TBC1D5: variants seen among roughly 807,000 people sequenced by gnomAD.
The protein encoded by TBC1D5 is TBC1 domain family, member 5.
Under a neutral mutation model 100.3 loss-of-function variants are expected in TBC1D5, and 75 were observed. The observed-to-expected ratio is 0.75, with a 90% CI of 0.62 to 0.91. The LOEUF (loss-of-function observed/expected upper bound fraction) is 0.91, where lower values mean the gene tolerates loss of function less well. TBC1D5 is among the 40% of genes least tolerant of loss of function. The pLI is 0.00. For synonymous variants in TBC1D5, 323 were observed against 325.6 expected (o/e 0.99, Z 0.09); for missense variants, 910 against 942.4 (o/e 0.97, Z 0.45).
At chr3:17,229,416 A>G (rs1466556951) in intron 17 of TBC1D5, among the ~76,000 whole-genome samples, 1 of 152,176 alleles carries the variant, frequency 6.6e-6, no homozygotes, top group Non-Finnish European at 1.5e-5. Flanking sequence ...GCTTGACCAC[A>G]AAAGTCAAAC....
At chr3:17,504,987 A>C (rs2095829354) in intron 3 of TBC1D5, among the ~76,000 whole-genome samples, 2 of 152,218 alleles carry the variant, frequency 1.3e-5, no homozygotes, top group Admixed American at 1.3e-4. Context: ...GAAAGAAAGG[A>C]ATACTTGGGA....
intron 3 of TBC1D5, among the ~76,000 whole-genome samples, chr3:17,429,366 A>T (rs2094405932): frequency 6.6e-6 from 1 of 151,934 alleles, no homozygotes; most frequent in African/African-American, 2.4e-5. Flanking sequence ...AGCTTTTATG[A>T]AACCATAGTA....
At chr3:17,261,620 T>C (rs2078295740) in intron 15 of TBC1D5, among the ~76,000 whole-genome samples, 1 of 152,054 alleles carries the variant, frequency 6.6e-6, no homozygotes, top group South Asian at 2.1e-4. Context: ...CATCCCAGGC[T>C]CAAGTGATCC....
intron 2 of TBC1D5, among the ~76,000 whole-genome samples, chr3:17,536,191 T>G (rs963526265): frequency 1.3e-5 from 2 of 152,046 alleles, no homozygotes; most frequent in Admixed American, 1.3e-4. Flanking sequence ...GTTTTGTGGG[T>G]TTTTTAAGCT....
chr3:17,688,231 G>GTA (rs201504206), intron 1 of TBC1D5, among the ~76,000 whole-genome samples: 1,695 of 151,866 alleles, frequency 0.011, 12 homozygotes, highest in Middle Eastern at 0.028. Flanking sequence ...ACATATACTA[G>GTA]TATATATATA....
At chr3:17,373,755 G>A (rs561542242) in intron 12 of TBC1D5, among the ~76,000 whole-genome samples, 1 of 152,150 alleles carries the variant, frequency 6.6e-6, no homozygotes, top group African/African-American at 2.4e-5. Flanking sequence ...GTCACAAATG[G>A]CAGTGTATTA....
intron 2 of TBC1D5, among the ~76,000 whole-genome samples, chr3:17,554,846 CT>C (rs200947542): frequency 0.018 from 2,659 of 144,642 alleles, 54 homozygotes; most frequent in South Asian, 0.06. Flanking sequence ...AATATCTGTG[CT>C]TTTTTTTTTT....
chr3:17,649,769 T>C (rs2065360750), intron 1 of TBC1D5, among the ~76,000 whole-genome samples: 2 of 152,166 alleles, frequency 1.3e-5, no homozygotes, highest in Admixed American at 6.5e-5. Context: ...GAAGTACCAT[T>C]TGACCCAGCA....
chr3:17,701,294 A>G (rs7647914), intron 1 of TBC1D5, among the ~76,000 whole-genome samples: 89,476 of 151,726 alleles, frequency 0.59, 27,101 homozygotes, highest in East Asian at 0.99. Context: ...CTTGGACATA[A>G]GGCGGGGAAC....
At chr3:17,543,997 A>G (rs1560126303) in intron 2 of TBC1D5, among the ~76,000 whole-genome samples, 4 of 151,810 alleles carry the variant, frequency 2.6e-5, no homozygotes, top group Admixed American at 6.6e-5. Flanking sequence ...CCTCCCGAGT[A>G]GCTAAGACTA....
chr3:17,426,728 CAAGAT>C (rs934830023), intron 4 of TBC1D5, among the ~76,000 whole-genome samples: 1 of 151,984 alleles, frequency 6.6e-6, no homozygotes, highest in African/African-American at 2.4e-5. Flanking sequence ...AAAAAACCCA[CAAGAT>C]AATACTATAC....
At chr3:17,416,455 T>C (rs1464863795) in intron 4 of TBC1D5, among the ~76,000 whole-genome samples, 2 of 152,188 alleles carry the variant, frequency 1.3e-5, no homozygotes, top group Non-Finnish European at 2.9e-5. Context: ...AATTCACTCA[T>C]AATACACATT....
exon 22 of TBC1D5, chr3:17,161,170 G>T (rs140987898): frequency 6.2e-7 from 1 of 1,614,122 alleles, no homozygotes; most frequent in Non-Finnish European, 8.5e-7. Flanking sequence ...AGGAGCCCCT[G>T]GCACTGCTCC....
chr3:17,165,142 C>T (rs999406035), intron 21 of TBC1D5, among the ~76,000 whole-genome samples: 4 of 152,162 alleles, frequency 2.6e-5, no homozygotes, highest in Admixed American at 1.3e-4. Flanking sequence ...ACTGCAGACA[C>T]ATCTCATGGC....
intron 9 of TBC1D5, among the ~76,000 whole-genome samples, chr3:17,379,865 G>T (rs1421268726): frequency 6.6e-6 from 1 of 151,980 alleles, no homozygotes; most frequent in African/African-American, 2.4e-5. Flanking sequence ...AATATTATGT[G>T]ATTGTGGTTT....
At chr3:17,549,351 A>G (rs1054953409) in intron 2 of TBC1D5, among the ~76,000 whole-genome samples, 1 of 152,196 alleles carries the variant, frequency 6.6e-6, no homozygotes, top group Non-Finnish European at 1.5e-5. Flanking sequence ...TTTCTTTTCT[A>G]TATCTTATTT....
chr3:17,607,926 A>G (rs538180169), intron 2 of TBC1D5, among the ~76,000 whole-genome samples: 3 of 152,268 alleles, frequency 2.0e-5, no homozygotes, highest in African/African-American at 7.2e-5. Context: ...TGAAAAAAAA[A>G]CTTTTTACTA....
intron 2 of TBC1D5, among the ~76,000 whole-genome samples, chr3:17,509,934 C>G (rs1026187716): frequency 2.6e-5 from 4 of 151,836 alleles, no homozygotes; most frequent in African/African-American, 9.7e-5. Context: ...TTTCAACTTC[C>G]AACCTACACT....
chr3:17,326,341 TCA>T (rs1367698926), intron 13 of TBC1D5, among the ~76,000 whole-genome samples: 2 of 152,248 alleles, frequency 1.3e-5, no homozygotes, highest in East Asian at 1.9e-4. Context: ...TAGTTACTAT[TCA>T]CAGTCCTCAG....
Sources: allele counts gnomAD v4.1 joint callset (sites outside exome capture counted in the v4.1 genomes callset), GRCh38; gene constraint gnomAD v4.1.1; transcripts MANE v1.5; gene names NCBI Gene and HGNC (gene_info 2026-07-23, HGNC 2026-07-21).